Variants in ACAP3 observed in about 807,000 individuals in gnomAD.
ACAP3 encodes ArfGAP with coiled-coil, ankyrin repeat and PH domains 3, also known as arf-GAP with coiled-coil, ANK repeat and PH domain-containing protein 3.
ACAP3 carries 56 observed loss-of-function variants against 104.1 expected under a neutral mutation model. The observed-to-expected ratio is 0.54, with a 90% confidence interval of 0.43 to 0.67. The LOEUF is 0.67. Among genes scored for constraint, ACAP3 ranks in the 30% least tolerant of loss-of-function variants. The probability of loss-of-function intolerance (pLI) is 0.00; values close to 1 mark genes in which losing one functional copy is unlikely to be tolerated. For missense variants in ACAP3, 1,208 were observed against 1,174.9 expected (o/e 1.03, Z -0.41); for synonymous variants, 628 against 496.2 (o/e 1.27, Z -3.53).
chr1:1,304,445 G>A, intron 1 of ACAP3: 3 of 522,102 alleles, frequency 5.7e-6, no homozygotes, highest in South Asian at 2.1e-5. Context: ...TGCCCACCAA[G>A]GGCTGAGCCA....
At chr1:1,306,737 G>A (rs149868793) in intron 1 of ACAP3, among the ~76,000 whole-genome samples, 468 of 152,320 alleles carry the variant, frequency 3.1e-3, no homozygotes, top group Non-Finnish European at 5.0e-3. Context: ...TGCACACACT[G>A]GTACCACACA....
intron 16 of ACAP3, 49 bp downstream of exon 16, chr1:1,296,162 C>T (rs749266601): frequency 5.0e-6 from 8 of 1,606,364 alleles, no homozygotes; most frequent in Non-Finnish European, 6.8e-6. Flanking sequence ...GACCCCAGCT[C>T]CCGCCCCCAC....
chr1:1,298,178 G>T, intron 12 of ACAP3, 65 bp from the exon 13 acceptor site: 1 of 1,563,598 alleles, frequency 6.4e-7, no homozygotes, highest in South Asian at 1.2e-5. Flanking sequence ...CCCACTTCCT[G>T]CTTCACCTTG....
rs745882336 is a variant in ACAP3, at chr1:1,297,999, C to G, written c.1016+14G>C. The G allele has an allele frequency of 3.1e-6, 5 of 1,611,620 alleles. No individual in the cohort carries two copies. In the South Asian group the frequency reaches 5.5e-5, roughly 18 times the overall value. ...GGTACGCCCCCCGCCCCACCCTGGG[C>G]TGGGCCTCCTCACTTGGTGGGTGAC... On this transcript the variant is annotated intron_variant, in intron 13 of 23. Coordinates refer to ENST00000354700, the MANE Select transcript of ACAP3 (RefSeq NM_030649.3).
Position 1,303,299 on chromosome 1 carries a change from G to A in ACAP3, c.106-18C>T, listed in dbSNP as rs755836006. 71 of 1,562,092 alleles carry A rather than the reference G, an allele frequency of 4.5e-5. No homozygotes were observed. Among genetic ancestry groups the A allele is most frequent in the Middle Eastern group, 1.9e-4 (1 of 5,214 alleles). On this transcript the variant is annotated intron_variant, in intron 2 of 23. Transcript: ENST00000354700. This position sits in a 1 kb window ranked among gnomAD's most constrained non-coding sequence, Gnocchi z 4.0. ...TTCACCAGCTGTGGGCCAGCGGGGC[G>A]TGGTGAGCACAGTGGGCACTGGCGC...
At chr1:1,304,478 G>T (rs1224800907) in intron 1 of ACAP3, 3 of 461,516 alleles carry the variant, frequency 6.5e-6, no homozygotes, top group Non-Finnish European at 8.0e-6. Flanking sequence ...TCTCCTCTAG[G>T]AGTTCAGAGT....
At chr1:1,293,792 C>A (rs1419101405) in intron 23 of ACAP3, 31 bp downstream of exon 23, 2 of 1,552,522 alleles carry the variant, frequency 1.3e-6, no homozygotes, top group Non-Finnish European at 1.7e-6. Context: ...CTGGAGGCCC[C>A]GCCCAGCCCC....
At chr1:1,293,731 A>ACACCCCTGCCCTGGAGGCCC (rs1640950602) in intron 23 of ACAP3, 23 bp from the exon 24 acceptor site, 38 of 943,902 alleles carry the variant, frequency 4.0e-5, no homozygotes, top group South Asian at 5.8e-5. Context: ...ACAGCGTGAG[A>ACACCCCTGCCCTGGAGGCCC]CGCCCCTGCC....
rs1465233760 is a variant in ACAP3, at chr1:1,295,463, T to C, written c.1797A>G (p.Ala599=). The change falls in exon 19 of 24, where the codon GCA becomes GCG. Residue 599 remains alanine (A), a synonymous_variant. Coordinates refer to ENST00000354700, the MANE Select transcript of ACAP3 (RefSeq NM_030649.3). ...SLFSYFDAGA[A]GAGPRSLSSD... is the part of the protein sequence containing the mutation. ...CACACTTACTGCGAGGGCCAGCCCC[T>C]GCGGCCCCTGCGTCGAAGTAGGAGA... 6.8e-6 allele frequency: 11 copies of C among 1,612,280 alleles called. No individual in the cohort carries two copies. The highest frequency in any genetic ancestry group is 6.7e-5 in the Admixed American group (4 of 59,974).
Position 1,303,899 on chromosome 1 carries a change from A to C in ACAP3, c.105+187T>G, listed in dbSNP as rs1641564335. 1.4e-6 allele frequency: 1 copy of C among 710,698 alleles called. No individual in the cohort carries two copies. Among genetic ancestry groups the C allele is most frequent in the Non-Finnish European group, 2.3e-6 (1 of 428,316 alleles). 44.0% of individuals were successfully genotyped at this position (710,698 alleles called of 1,614,324 possible). On this transcript the variant is annotated intron_variant, in intron 2 of 23. Transcript: ENST00000354700. This position sits in a 1 kb window ranked among gnomAD's most constrained non-coding sequence, Gnocchi z 4.0. ...TGGGACGAGACTCAGGGCCAGCCAC[A>C]TGTGTGCATGTGACATGTGCACCCT...
intron 6 of ACAP3, 47 bp downstream of exon 6, chr1:1,300,462 A>G: frequency 6.4e-7 from 1 of 1,558,272 alleles, no homozygotes; most frequent in Non-Finnish European, 8.7e-7. Context: ...TGAGGCCTCC[A>G]TTCGCTACAG....
chr1:1,299,112 C>A, intron 10 of ACAP3: 1 of 595,388 alleles, frequency 1.7e-6, no homozygotes, highest in Non-Finnish European at 3.0e-6. Flanking sequence ...AGGGGAGGGG[C>A]GGCCACCTGC....
Position 1,299,340 on chromosome 1 carries a change from C to G in ACAP3, c.750+5G>C, listed in dbSNP as rs1028844713. Reference sequence around the variant, plus strand: ...ACAGCCCGCCCAGGGCCCGTGCTCACTTACCTGCAGCAGCGTCTGGAGGGC... The same window carrying G: ...ACAGCCCGCCCAGGGCCCGTGCTCAGTTACCTGCAGCAGCGTCTGGAGGGC... On this transcript the variant is annotated splice_donor_5th_base_variant and intron_variant, in intron 10 of 23. Transcript: ENST00000354700. 13 of 1,591,058 alleles carry G rather than the reference C, an allele frequency of 8.2e-6. No individual in the cohort carries two copies. Among genetic ancestry groups the G allele is most frequent in the Non-Finnish European group, 1.1e-5 (13 of 1,169,184 alleles).
chr1:1,307,496 G>C (rs905350719), intron 1 of ACAP3: 1 of 1,239,894 alleles, frequency 8.1e-7, no homozygotes, highest in Non-Finnish European at 1.1e-6. Flanking sequence ...TGGAGGTGCA[G>C]ACACAGAGCG....
chr1:1,300,793 C>CG, intron 5 of ACAP3, 101 bp from the exon 6 acceptor site: 1 of 1,280,458 alleles, frequency 7.8e-7, no homozygotes, highest in African/African-American at 1.5e-5. Context: ...TTTTTTGAGA[C>CG]GGAGTTTCGC....
At chr1:1,306,721 C>G (rs571544249) in intron 1 of ACAP3, among the ~76,000 whole-genome samples, 9 of 152,366 alleles carry the variant, frequency 5.9e-5, no homozygotes, top group Admixed American at 5.9e-4. Context: ...CATGCACAAA[C>G]ATGCCTGCAC....
At position 1,302,060 on chromosome 1, in the gene ACAP3, C is replaced by G. The variant is rs772237622; in HGVS notation, c.280-14G>C. ...GTCAAACAGGATCTGGGGGCAGAGGCGGGCAGAGATCCTTGGGGTCTGTCC... is the reference window on the plus strand; with the variant it reads ...GTCAAACAGGATCTGGGGGCAGAGGGGGGCAGAGATCCTTGGGGTCTGTCC... On this transcript the variant is annotated splice_polypyrimidine_tract_variant and intron_variant, in intron 4 of 23. Transcript: ENST00000354700. The G allele has an allele frequency of 6.6e-7, 1 of 1,521,052 alleles. No individual in the cohort carries two copies. The highest frequency in any genetic ancestry group is 8.9e-7 in the Non-Finnish European group (1 of 1,128,458). 94.2% of individuals were successfully genotyped at this position (1,521,052 alleles called of 1,614,324 possible). A position where few individuals can be genotyped will look rare whatever the true frequency, so the allele number is the denominator to read the frequency against.
chr1:1,295,080 AC>A (rs1316675075), intron 19 of ACAP3: 11 of 554,784 alleles, frequency 2.0e-5, no homozygotes, highest in African/African-American at 1.5e-4. Context: ...CTTACCCGGC[AC>A]CCCCCGCAGT....
chr1:1,293,423 G>C lies in ACAP3; in HGVS notation c.*141C>G, dbSNP rs948018464. Reference sequence around the variant, plus strand: ...CCTCGCTCTCCTCCTGGGCGAGCAGGGCCGCGGCGCCCCAGCACTGGGGCT... The same window carrying C: ...CCTCGCTCTCCTCCTGGGCGAGCAGCGCCGCGGCGCCCCAGCACTGGGGCT... On this transcript the variant is annotated 3_prime_UTR_variant, in exon 24 of 24. Coordinates refer to ENST00000354700, the MANE Select transcript of ACAP3 (RefSeq NM_030649.3). 5.1e-5 allele frequency: 44 copies of C among 865,184 alleles called. No homozygotes were observed. Among genetic ancestry groups the C allele is most frequent in the Non-Finnish European group, 6.6e-5 (43 of 655,998 alleles). 53.6% of individuals were successfully genotyped at this position (865,184 alleles called of 1,614,324 possible). A position where few individuals can be genotyped will look rare whatever the true frequency, so the allele number is the denominator to read the frequency against.
Sources: allele counts gnomAD v4.1 joint callset (sites outside exome capture counted in the v4.1 genomes callset), GRCh38; gene constraint gnomAD v4.1.1; non-coding constraint Gnocchi (gnomAD v3.1); transcripts MANE v1.5; gene names NCBI Gene and HGNC (gene_info 2026-07-23, HGNC 2026-07-21).